STK24: variants seen among roughly 807,000 people sequenced by gnomAD.
STK24 encodes serine/threonine kinase 24.
STK24 carries 21 observed loss-of-function variants against 55.6 expected under a neutral mutation model. The ratio of observed to expected loss-of-function variants is 0.38; its 90% CI spans 0.27 to 0.54. The LOEUF (loss-of-function observed/expected upper bound fraction) is 0.54, where lower values mean the gene tolerates loss of function less well. Ranked by LOEUF, STK24 falls within the 20% of genes least tolerant of loss-of-function variation. The pLI, the probability that STK24 is intolerant of heterozygous loss-of-function variation, is 0.79. For synonymous variants in STK24, 200 were observed against 215.2 expected (o/e 0.93, Z 0.62); for missense variants, 383 against 538.4 (o/e 0.71, Z 2.86).
chr13:98,460,068 A>G (rs1893635567), intron 9 of STK24, among the ~76,000 whole-genome samples: 2 of 152,244 alleles, frequency 1.3e-5, no homozygotes, highest in South Asian at 4.1e-4. Flanking sequence ...TCTGAGGCAA[A>G]GAGAGCAGGC....
intron 2 of STK24, among the ~76,000 whole-genome samples, chr13:98,514,830 CTGTT>C (rs772746695): frequency 1.3e-4 from 20 of 152,232 alleles, no homozygotes; most frequent in Admixed American, 6.5e-4. Flanking sequence ...AATTTTGAGT[CTGTT>C]TGGCGCAGAT....
intron 5 of STK24, among the ~76,000 whole-genome samples, chr13:98,468,160 A>G (rs954372613): frequency 6.6e-6 from 1 of 152,222 alleles, no homozygotes; most frequent in African/African-American, 2.4e-5. Flanking sequence ...CCCTACTGGA[A>G]GCCCCCAAGC....
intron 8 of STK24, 41 bp downstream of exon 8, chr13:98,461,733 G>C (rs1893712093): frequency 1.2e-6 from 2 of 1,605,930 alleles, no homozygotes; most frequent in African/African-American, 1.3e-5. Flanking sequence ...AAACACTGCA[G>C]ACTGAGGTCA....
intron 2 of STK24, among the ~76,000 whole-genome samples, chr13:98,502,868 G>A (rs1313218162): frequency 2.0e-5 from 3 of 152,090 alleles, no homozygotes; most frequent in Non-Finnish European, 4.4e-5. Flanking sequence ...ACAGCACTGG[G>A]AATCCTAATT....
intron 1 of STK24, chr13:98,553,508 C>A: frequency 5.7e-6 from 1 of 174,772 alleles, no homozygotes; most frequent in East Asian, 1.6e-4. Context: ...TCAAGGATTC[C>A]AGGCACCCAA....
At chr13:98,573,521 A>G (rs1385762473) in intron 1 of STK24, among the ~76,000 whole-genome samples, 1 of 152,228 alleles carries the variant, frequency 6.6e-6, no homozygotes, top group Non-Finnish European at 1.5e-5. Flanking sequence ...AAAAAAAGCA[A>G]AGGCTTCAGC....
chr13:98,513,038 A>G (rs1895939965), intron 2 of STK24, among the ~76,000 whole-genome samples: 1 of 152,216 alleles, frequency 6.6e-6, no homozygotes, highest in Non-Finnish European at 1.5e-5. Context: ...CCTCAGAACA[A>G]AAGTAACCCA....
In STK24 at chr13:98,503,837, T is replaced by C. The variant is rs538358128; in HGVS notation, c.273+15406A>G. The stretch of plus-strand genomic sequence containing the variant: ...TAAAGGAAATGTTCAGAGATGTGAC[T>C]GCCCCCAGGAACATGCCACGACTCC... On this transcript the variant is annotated intron_variant, in intron 2 of 10. Transcript: ENST00000539966. Among the ~76,000 whole-genome samples the C allele has an allele frequency of 6.6e-5, 10 of 152,368 alleles. No homozygotes were observed. In the East Asian group the frequency reaches 1.9e-3, roughly 29 times the overall value.
chr13:98,470,305 TC>T (rs1346768945), intron 5 of STK24, among the ~76,000 whole-genome samples: 8 of 100,364 alleles, frequency 8.0e-5, no homozygotes, highest in South Asian at 2.7e-4. Flanking sequence ...GAGGTGGGAG[TC>T]GGGGGGGCAA....
At chr13:98,569,877 AT>A (rs755042140) in intron 1 of STK24, among the ~76,000 whole-genome samples, 1,710 of 137,996 alleles carry the variant, frequency 0.012, 11 homozygotes, top group African/African-American at 0.017. Flanking sequence ...ACAGGCAGAA[AT>A]TTTTTTTTTT....
In STK24 at chr13:98,446,864, C is replaced by G; in HGVS notation, c.*6309G>C. On this transcript the variant is annotated 3_prime_UTR_variant, in exon 11 of 11. Coordinates refer to ENST00000539966, the MANE Select transcript of STK24 (RefSeq NM_001032296.4). ...ACAGGGCCCTGCAGAAGAGGACCCC[C>G]TCTTCCAAACATCAGGATTTCTCCC... is the stretch of plus-strand genomic sequence containing the variant. The G allele has an allele frequency of 1.9e-6, 3 of 1,594,612 alleles. No individual in the cohort carries two copies. Among genetic ancestry groups the G allele is most frequent in the Non-Finnish European group, 2.6e-6 (3 of 1,164,642 alleles).
chr13:98,537,899 T>C (rs1029343320), intron 1 of STK24, among the ~76,000 whole-genome samples: 5 of 152,116 alleles, frequency 3.3e-5, no homozygotes, highest in African/African-American at 1.2e-4. Context: ...CACAGGGCTG[T>C]GGGATGAACC....
intron 1 of STK24, among the ~76,000 whole-genome samples, chr13:98,561,458 T>G (rs1415081121): frequency 6.6e-6 from 1 of 151,976 alleles, no homozygotes; most frequent in Non-Finnish European, 1.5e-5. Flanking sequence ...GGCACACACC[T>G]GTAATCCTAG....
At chr13:98,454,876 T>C (rs950572596) in intron 10 of STK24, 3 of 152,232 alleles carry the variant, frequency 2.0e-5, no homozygotes, top group African/African-American at 7.2e-5. Context: ...AAGAGGGCAC[T>C]CCTCATCACA....
At chr13:98,475,908 G>A (rs1449542802) in intron 3 of STK24, among the ~76,000 whole-genome samples, 3 of 152,188 alleles carry the variant, frequency 2.0e-5, no homozygotes, top group Admixed American at 6.5e-5. Context: ...GGAGCCAGGC[G>A]CCTCTGAGGA....
At chr13:98,486,012 C>T (rs1240399575) in intron 2 of STK24, among the ~76,000 whole-genome samples, 1 of 152,082 alleles carries the variant, frequency 6.6e-6, no homozygotes, top group Non-Finnish European at 1.5e-5. Context: ...GGGACAGGAA[C>T]ACATGGACTC....
intron 5 of STK24, among the ~76,000 whole-genome samples, chr13:98,470,358 T>C (rs1894096461): frequency 6.6e-6 from 1 of 152,204 alleles, no homozygotes; most frequent in African/African-American, 2.4e-5. Flanking sequence ...CTTGAACTCC[T>C]GGCCTCAAGC....
chr13:98,561,059 T>C (rs1594671090), intron 1 of STK24, among the ~76,000 whole-genome samples: 1 of 152,160 alleles, frequency 6.6e-6, no homozygotes, highest in South Asian at 2.1e-4. Context: ...AAGGAGTATA[T>C]GTGTGGACCC....
At chr13:98,520,191 C>G (rs1175929559) in intron 1 of STK24, among the ~76,000 whole-genome samples, 10 of 152,222 alleles carry the variant, frequency 6.6e-5, no homozygotes, top group Non-Finnish European at 5.9e-5. Context: ...GTGTGAACAG[C>G]TGAGTTCTCA....
Sources: gnomAD v4.1 joint callset for allele counts (sites outside exome capture counted in the v4.1 genomes callset) on GRCh38, gnomAD v4.1.1 for gene constraint, MANE v1.5 for transcripts, NCBI Gene and HGNC (gene_info 2026-07-23, HGNC 2026-07-21) for gene names.